ACYP2: variants seen among roughly 807,000 people sequenced by gnomAD.
ACYP2 encodes acylphosphatase 2, also known as acylphosphatase-2.
Under a neutral mutation model 11.2 loss-of-function variants are expected in ACYP2, and 12 were observed. That is an observed-to-expected ratio of 1.08 (90% CI 0.69 to 1.74). The LOEUF is 1.74. Among genes scored for constraint, ACYP2 ranks in the 40% most tolerant of loss-of-function variants. The pLI, the probability that ACYP2 is intolerant of heterozygous loss-of-function variation, is 0.00. For missense variants in ACYP2, 134 were observed against 101.9 expected, an observed-to-expected ratio of 1.31 and a Z score of -1.35; for synonymous variants, 43 against 32.2, an observed-to-expected ratio of 1.33 and a Z score of -1.13.
chr2:54,275,838 C>CA (rs1558662250), intron 6 of ACYP2, among the ~76,000 whole-genome samples: 1 of 152,088 alleles, frequency 6.6e-6, no homozygotes, highest in East Asian at 1.9e-4. Flanking sequence ...TTGATAAGGG[C>CA]AAAATACATT....
intron 6 of ACYP2, among the ~76,000 whole-genome samples, chr2:54,148,870 A>G (rs984212004): frequency 2.6e-5 from 4 of 152,260 alleles, no homozygotes; most frequent in African/African-American, 9.6e-5. Flanking sequence ...AAATAGTTGC[A>G]AAGTCAGACT....
At chr2:53,996,681 G>A (rs547102322) in intron 2 of ACYP2, among the ~76,000 whole-genome samples, 8 of 152,200 alleles carry the variant, frequency 5.3e-5, no homozygotes, top group Non-Finnish European at 1.5e-5. Flanking sequence ...TATTCTTTCA[G>A]CTAAAAGGAG....
At chr2:54,304,370 C>T (rs544259204) in intron 6 of ACYP2, among the ~76,000 whole-genome samples, 4 of 152,004 alleles carry the variant, frequency 2.6e-5, no homozygotes, top group East Asian at 1.9e-4. Flanking sequence ...ATATTTTGAT[C>T]GTTTTGAGTA....
intron 6 of ACYP2, among the ~76,000 whole-genome samples, chr2:54,277,759 T>C (rs1022366401): frequency 5.9e-5 from 9 of 152,196 alleles, no homozygotes; most frequent in Admixed American, 5.9e-4. Context: ...CTTTCTACAA[T>C]TAGGCAACAT....
intron 4 of ACYP2, among the ~76,000 whole-genome samples, chr2:54,094,272 G>C (rs564419735): frequency 1.3e-5 from 2 of 151,510 alleles, no homozygotes; most frequent in East Asian, 3.9e-4. Flanking sequence ...CTGTTGCCCA[G>C]GCTGGAGTGC....
intron 4 of ACYP2, among the ~76,000 whole-genome samples, chr2:54,107,554 A>G (rs1036611819): frequency 1.3e-5 from 2 of 152,200 alleles, no homozygotes; most frequent in African/African-American, 4.8e-5. Flanking sequence ...AGGTTTAGTT[A>G]CTGAAAAAAT....
intron 6 of ACYP2, among the ~76,000 whole-genome samples, chr2:54,261,520 G>A (rs1239632954): frequency 2.0e-5 from 3 of 152,088 alleles, no homozygotes; most frequent in African/African-American, 7.2e-5. Context: ...TAAATTCTCT[G>A]GGAAACAGAA....
chr2:54,078,248 A>G (rs771170649), intron 4 of ACYP2, among the ~76,000 whole-genome samples: 5 of 151,778 alleles, frequency 3.3e-5, no homozygotes, highest in African/African-American at 7.3e-5. Context: ...TGCCTGGCCA[A>G]TGATTGCATT....
chr2:54,241,708 G>A (rs576250827), intron 6 of ACYP2, among the ~76,000 whole-genome samples: 8 of 152,294 alleles, frequency 5.3e-5, no homozygotes, highest in Admixed American at 3.3e-4. Flanking sequence ...TTGCCATTAA[G>A]AGTATGAAAA....
chr2:54,099,403 A>G (rs904811933), intron 4 of ACYP2, among the ~76,000 whole-genome samples: 5 of 152,118 alleles, frequency 3.3e-5, no homozygotes, highest in African/African-American at 1.2e-4. Flanking sequence ...TCTAGCTAAA[A>G]TTTCTTGTCC....
chr2:54,170,509 C>G (rs1394509611), intron 6 of ACYP2, among the ~76,000 whole-genome samples: 1 of 151,912 alleles, frequency 6.6e-6, no homozygotes, highest in Non-Finnish European at 1.5e-5. Context: ...TTGCCAATAC[C>G]AGGTGATAGA....
chr2:54,283,428 C>G (rs1195996693), intron 6 of ACYP2, among the ~76,000 whole-genome samples: 1 of 152,132 alleles, frequency 6.6e-6, no homozygotes, highest in Non-Finnish European at 1.5e-5. Context: ...TTCCATGCCC[C>G]AGGACTCTGT....
chr2:53,974,108 C>G (rs1239120882), intron 2 of ACYP2, among the ~76,000 whole-genome samples: 1 of 151,120 alleles, frequency 6.6e-6, no homozygotes, highest in Non-Finnish European at 1.5e-5. Flanking sequence ...TAGAGACAGG[C>G]TTTCACCATA....
chr2:54,021,349 G>A (rs1224598539), intron 2 of ACYP2, among the ~76,000 whole-genome samples: 5 of 152,156 alleles, frequency 3.3e-5, no homozygotes, highest in African/African-American at 7.2e-5. Context: ...CAAGGAGAAC[G>A]AGGAAGTTAA....
At chr2:54,261,225 T>C (rs1290743845) in intron 6 of ACYP2, among the ~76,000 whole-genome samples, 1 of 152,170 alleles carries the variant, frequency 6.6e-6, no homozygotes, top group Non-Finnish European at 1.5e-5. Context: ...TTTTAAGGCA[T>C]GGACTAGAAA....
chr2:54,216,624 GC>G (rs1231785537), intron 6 of ACYP2, among the ~76,000 whole-genome samples: 1 of 151,254 alleles, frequency 6.6e-6, no homozygotes, highest in East Asian at 1.9e-4. Context: ...TGCAACTTCA[GC>G]CTCCTGAGTT....
chr2:54,079,874 C>T (rs1392713990), intron 4 of ACYP2: 1 of 151,038 alleles, frequency 6.6e-6, no homozygotes, highest in East Asian at 2.0e-4. Context: ...TAAATATCCC[C>T]AAATCTAAAA....
chr2:54,060,394 T>A (rs2103630404), intron 4 of ACYP2, among the ~76,000 whole-genome samples: 2 of 152,256 alleles, frequency 1.3e-5, no homozygotes, highest in African/African-American at 4.8e-5. Flanking sequence ...TGATTATTCC[T>A]TTTTAAAAAA....
At chr2:53,979,731 T>G (rs943741529) in intron 2 of ACYP2, among the ~76,000 whole-genome samples, 4 of 152,090 alleles carry the variant, frequency 2.6e-5, no homozygotes, top group Non-Finnish European at 4.4e-5. Context: ...AGATGGAGTC[T>G]CACTCTGTGG....
Sources: gnomAD v4.1 joint callset for allele counts (sites outside exome capture counted in the v4.1 genomes callset) on GRCh38, gnomAD v4.1.1 for gene constraint, MANE v1.5 for transcripts, NCBI Gene and HGNC (gene_info 2026-07-23, HGNC 2026-07-21) for gene names.